ZFHX4: variants seen among roughly 807,000 people sequenced by gnomAD.
The protein encoded by ZFHX4 is zinc finger homeobox 4.
In ZFHX4, 56 loss-of-function variants were observed where a neutral mutation model predicts 267.6. The observed-to-expected ratio is 0.21, with a 90% CI of 0.17 to 0.26. ZFHX4 has a LOEUF of 0.26. ZFHX4 is among the 10% of genes least tolerant of loss of function. The pLI is 1.00. For synonymous variants in ZFHX4, 1,778 were observed against 1,665.6 expected (o/e 1.07, Z -1.64); for missense variants, 4,332 against 4,420.0 (o/e 0.98, Z 0.56).
At chr8:76,744,062 T>C (rs1809391002) in intron 3 of ZFHX4, among the ~76,000 whole-genome samples, 1 of 152,160 alleles carries the variant, frequency 6.6e-6, no homozygotes, top group African/African-American at 2.4e-5. Flanking sequence ...AATACAATGA[T>C]ATGCTGGGCA....
intron 3 of ZFHX4, among the ~76,000 whole-genome samples, chr8:76,767,404 G>T (rs987354553): frequency 6.6e-6 from 1 of 151,988 alleles, no homozygotes; most frequent in East Asian, 1.9e-4. Flanking sequence ...CTAATAAATC[G>T]GAGACACAGC....
intron 3 of ZFHX4, among the ~76,000 whole-genome samples, chr8:76,739,193 C>T (rs1232337452): frequency 6.6e-6 from 1 of 152,154 alleles, no homozygotes; most frequent in African/African-American, 2.4e-5. Flanking sequence ...TTAGAACCTT[C>T]TCCAAGAACA....
chr8:76,771,453 T>C (rs79209231), intron 3 of ZFHX4, among the ~76,000 whole-genome samples: 2,153 of 152,216 alleles, frequency 0.014, 55 homozygotes, highest in African/African-American at 0.049. Context: ...TGTTTTGTTT[T>C]GAAGAGATAA....
intron 5 of ZFHX4, among the ~76,000 whole-genome samples, chr8:76,841,204 T>C (rs1812224658): frequency 6.6e-6 from 1 of 152,194 alleles, no homozygotes; most frequent in South Asian, 2.1e-4. Flanking sequence ...GTTTTCCCTT[T>C]AGCTTTTTAG....
intron 3 of ZFHX4, among the ~76,000 whole-genome samples, chr8:76,745,857 G>A (rs1476760075): frequency 6.6e-6 from 1 of 152,108 alleles, no homozygotes; most frequent in Non-Finnish European, 1.5e-5. Context: ...AATATGTAGG[G>A]CAAATTTATT....
chr8:76,859,370 T>C lies in ZFHX4; in HGVS notation c.9379+3070T>C, dbSNP rs193229105. ...AATTATTTTTTTCTTTAATTTTTGT[T>C]CACATCCTAGTTTTTGTATCATGAT... On this transcript the variant is annotated intron_variant, in intron 10 of 10. Transcript: ENST00000651372. Among the ~76,000 whole-genome samples the C allele has an allele frequency of 5.4e-3, 827 of 152,226 alleles. 9 individuals carry two copies. The highest frequency in any genetic ancestry group is 0.019 in the African/African-American group (790 of 41,568).
chr8:76,854,211 A>G lies in ZFHX4; in HGVS notation c.7290A>G (p.Pro2430=). The G allele has an allele frequency of 1.9e-6, 3 of 1,567,926 alleles. No individual in the cohort carries two copies. The South Asian group carries it at 3.5e-5, about 18-fold the overall frequency. ...PPSQGTKPAL[P]LASTSSDPPQ... is the part of the protein sequence containing the mutation. ...CTCAAGGCACCAAACCAGCCCTGCC[A>G]TTAGCATCGACTTCCTCGGACCCAC... is the stretch of plus-strand genomic sequence containing the variant. Residue 2430 remains proline, a synonymous_variant, in exon 10 of 11, where the codon CCA becomes CCG. Transcript: ENST00000651372.
chr8:76,706,948 T>C (rs961467623), intron 2 of ZFHX4, among the ~76,000 whole-genome samples: 7 of 152,232 alleles, frequency 4.6e-5, no homozygotes, highest in African/African-American at 1.4e-4. Flanking sequence ...AAAAGCTAAT[T>C]TGCATTAATT....
At position 76,853,949 on chromosome 8, in the gene ZFHX4, C is replaced by G. The variant is rs777117142; in HGVS notation, c.7028C>G (p.Ala2343Gly). The change falls in exon 10 of 11, where the codon GCC (alanine) becomes GGC (glycine). Residue 2343 changes from alanine to glycine, a missense_variant. Ala to Gly is a moderately conservative substitution (Grantham distance 60). Transcript: ENST00000651372. ...TGTTACAAGGATGAAGATGATGATG[C>G]CCAAGATGAAAGCCAAACAGAAGAC... is the stretch of plus-strand genomic sequence containing the variant. ...KQCYKDEDDD[A>G]QDESQTEDSM... is the part of the protein sequence containing the mutation. The G allele has an allele frequency of 6.2e-7, 1 of 1,613,756 alleles. No homozygotes were observed. The highest frequency in any genetic ancestry group is 8.5e-7 in the Non-Finnish European group (1 of 1,179,838).
intron 3 of ZFHX4, among the ~76,000 whole-genome samples, chr8:76,765,622 G>C (rs770382757): frequency 6.6e-6 from 1 of 152,064 alleles, no homozygotes; most frequent in Admixed American, 6.6e-5. Flanking sequence ...TGATGTCACT[G>C]TTCCTATATT....
intron 3 of ZFHX4, among the ~76,000 whole-genome samples, chr8:76,755,382 A>G (rs1809735471): frequency 6.6e-6 from 1 of 152,172 alleles, no homozygotes; most frequent in South Asian, 2.1e-4. Context: ...TCTAAATGTT[A>G]GGAAATATTT....
At chr8:76,811,129 T>G (rs1811367157) in intron 4 of ZFHX4, among the ~76,000 whole-genome samples, 1 of 152,150 alleles carries the variant, frequency 6.6e-6, no homozygotes, top group Non-Finnish European at 1.5e-5. Flanking sequence ...GGCTAAGGAC[T>G]TCCCCACATT....
intron 4 of ZFHX4, among the ~76,000 whole-genome samples, chr8:76,791,643 A>G (rs1810839821): frequency 6.6e-6 from 1 of 152,172 alleles, no homozygotes; most frequent in Non-Finnish European, 1.5e-5. Flanking sequence ...AAATCGCTCT[A>G]CTATATGAGT....
In ZFHX4 at chr8:76,778,286, G is replaced by T; in HGVS notation, c.3172G>T (p.Val1058Phe). The change falls in exon 4 of 11, where the codon GTC becomes TTC. Residue 1058 changes from valine (V) to phenylalanine (F), a missense_variant. By Grantham distance (50) the Val-to-Phe change is conservative (BLOSUM62 -1). Transcript: ENST00000651372. ...TGCCGTGTGTGATTACACCACCAAG[G>T]TCAAGTTGAATCTGGTACAACATGT... is the stretch of plus-strand genomic sequence containing the variant. ...YCAVCDYTTKVKLNLVQHVRS... is the reference protein window; with the variant it reads ...YCAVCDYTTKFKLNLVQHVRS... The T allele has an allele frequency of 6.2e-7, 1 of 1,613,806 alleles. No individual in the cohort carries two copies. The highest frequency in any genetic ancestry group is 1.1e-5 in the South Asian group (1 of 91,080).
intron 3 of ZFHX4, among the ~76,000 whole-genome samples, chr8:76,721,183 A>T (rs966963808): frequency 3.9e-5 from 6 of 152,174 alleles, no homozygotes; most frequent in Admixed American, 1.3e-4. Flanking sequence ...GGGCTGACAA[A>T]TTAGAAAAAT....
chr8:76,690,952 T>C (rs1231549496), intron 1 of ZFHX4, among the ~76,000 whole-genome samples: 1 of 152,026 alleles, frequency 6.6e-6, no homozygotes, highest in Non-Finnish European at 1.5e-5. Flanking sequence ...GGCCTTACGA[T>C]CATTCAGTTC....
chr8:76,733,646 A>G (rs1234499562), intron 3 of ZFHX4, among the ~76,000 whole-genome samples: 4 of 152,194 alleles, frequency 2.6e-5, no homozygotes, highest in Admixed American at 2.6e-4. Context: ...CTTTTGCCTT[A>G]TATTAAGATA....
At chr8:76,699,997 C>T (rs762257921) in intron 1 of ZFHX4, among the ~76,000 whole-genome samples, 10 of 152,014 alleles carry the variant, frequency 6.6e-5, no homozygotes, top group East Asian at 1.9e-4. Flanking sequence ...TTTCACACTG[C>T]GCCTCTCTTT....
chr8:76,821,035 TA>T (rs1446169437), intron 4 of ZFHX4, among the ~76,000 whole-genome samples: 2 of 152,174 alleles, frequency 1.3e-5, no homozygotes, highest in Non-Finnish European at 2.9e-5. Context: ...ATTATTGTCA[TA>T]ATCCTGCTTC....
Sources: allele counts gnomAD v4.1 joint callset (sites outside exome capture counted in the v4.1 genomes callset), GRCh38; gene constraint gnomAD v4.1.1; transcripts MANE v1.5; gene names NCBI Gene and HGNC (gene_info 2026-07-23, HGNC 2026-07-21).